Variants in ZNF644 observed in about 807,000 individuals in gnomAD.
ZNF644 encodes the protein zinc finger motif enhancer binding protein 2.
ZNF644 carries 20 observed loss-of-function variants against 108.0 expected under a neutral mutation model. That is an observed-to-expected ratio of 0.19 (90% CI 0.13 to 0.27). ZNF644 has a LOEUF of 0.27. ZNF644 is among the 10% of genes least tolerant of loss of function. The pLI, the probability that ZNF644 is intolerant of heterozygous loss-of-function variation, is 1.00. For synonymous variants in ZNF644, 542 were observed against 539.1 expected (o/e 1.01, Z -0.08); for missense variants, 1,338 against 1,548.9 (o/e 0.86, Z 2.29).
intron 1 of ZNF644, among the ~76,000 whole-genome samples, chr1:90,982,637 T>A (rs1255384970): frequency 6.6e-6 from 1 of 151,982 alleles, no homozygotes; most frequent in East Asian, 1.9e-4. Context: ...TTAAAAAAAA[T>A]TCTAAATTGT....
At chr1:91,003,681 T>A (rs1321694101) in intron 1 of ZNF644, among the ~76,000 whole-genome samples, 2 of 150,660 alleles carry the variant, frequency 1.3e-5, no homozygotes, top group African/African-American at 4.9e-5. Context: ...TAAAGTATAA[T>A]AATATCAAAA....
chr1:91,005,475 C>G (rs1183683984), intron 1 of ZNF644, among the ~76,000 whole-genome samples: 1 of 152,108 alleles, frequency 6.6e-6, no homozygotes, highest in Non-Finnish European at 1.5e-5. Context: ...ACAGAATACT[C>G]CACCTAACAA....
chr1:90,971,591 T>C (rs1655484282), intron 2 of ZNF644, among the ~76,000 whole-genome samples: 1 of 152,106 alleles, frequency 6.6e-6, no homozygotes, highest in South Asian at 2.1e-4. Context: ...AGCTAATTTT[T>C]GTATTTTTGG....
chr1:91,008,745 C>T (rs753778892), intron 1 of ZNF644, among the ~76,000 whole-genome samples: 24 of 152,154 alleles, frequency 1.6e-4, no homozygotes, highest in African/African-American at 2.4e-4. Flanking sequence ...ATATACCTCC[C>T]GGTTTTACCA....
chr1:90,939,516 C>T lies in ZNF644; in HGVS notation c.1838G>A (p.Cys613Tyr). 3.7e-6 allele frequency: 6 copies of T among 1,613,920 alleles called. No individual in the cohort carries two copies. The highest frequency in any genetic ancestry group is 5.1e-6 in the Non-Finnish European group (6 of 1,179,940). ...KHTEYLHSSS[C>Y]VDSFGSPLGL... The stretch of plus-strand genomic sequence containing the variant: ...AAGAGGACTACCAAATGAATCAACA[C>T]ATGATGATGAATGCAAGTACTCCGT... Residue 613 changes from cysteine to tyrosine, a missense_variant, in exon 3 of 6, where the codon TGT (cysteine) becomes TAT (tyrosine). Physicochemically the swap from Cys to Tyr is radical, Grantham distance 194 (BLOSUM62 -2). Transcript: ENST00000337393.
At position 90,938,519 on chromosome 1, in the gene ZNF644, T is replaced by C. The variant is rs141874125; in HGVS notation, c.2835A>G (p.Ser945=). The C allele has an allele frequency of 4.4e-5, 71 of 1,613,832 alleles. No individual in the cohort carries two copies. The highest frequency in any genetic ancestry group is 5.8e-5 in the Non-Finnish European group (69 of 1,179,902). ...GAAAAACAGAACTATGCTTTGACAA[T>C]GAAGCATCTGCAGTTTCTAAATGCT... ...DPQHLETADA[S]LSKHSSVFHW... is the part of the protein sequence containing the mutation. The change falls in exon 3 of 6, where the codon TCA becomes TCG. Residue 945 remains serine (S), a synonymous_variant. Transcript: ENST00000337393. This position sits in a 1 kb window ranked among gnomAD's most constrained non-coding sequence, Gnocchi z 4.2.
Position 90,937,966 on chromosome 1 carries a change from C to A in ZNF644, c.3207G>T (p.Trp1069Cys). 1.2e-6 allele frequency: 2 copies of A among 1,612,756 alleles called. No homozygotes were observed. Among genetic ancestry groups the A allele is most frequent in the South Asian group, 1.1e-5 (1 of 91,064 alleles). The change falls in exon 4 of 6, where the codon TGG becomes TGT. Residue 1069 changes from tryptophan (W) to cysteine (C), a missense_variant. By Grantham distance (215) the Trp-to-Cys change is radical. Around this residue, in one of 6 missense-constraint regions of ZNF644, gnomAD observed 287 missense variants for 310.9 expected, o/e 0.92. Coordinates refer to ENST00000337393, the MANE Select transcript of ZNF644 (RefSeq NM_201269.3). ...GHLKRLGKTKWDAHKSPICVL... is the reference protein window; with the variant it reads ...GHLKRLGKTKCDAHKSPICVL... ...CACAGATTGGAGATTTGTGAGCATCCCATTTCGTCTTTCCAAGTCTTTTCA... is the reference window on the plus strand; with the variant it reads ...CACAGATTGGAGATTTGTGAGCATCACATTTCGTCTTTCCAAGTCTTTTCA...
At chr1:91,002,889 T>C (rs547016773) in intron 1 of ZNF644, among the ~76,000 whole-genome samples, 1 of 152,220 alleles carries the variant, frequency 6.6e-6, no homozygotes, top group South Asian at 2.1e-4. Context: ...CAGACACTTC[T>C]CAAAAGAAGA....
chr1:90,947,588 A>C (rs1652658485), intron 2 of ZNF644, among the ~76,000 whole-genome samples: 2 of 152,180 alleles, frequency 1.3e-5, no homozygotes, highest in Admixed American at 1.3e-4. Flanking sequence ...TCTTTAACCT[A>C]TGATGGGTCT....
At chr1:91,017,394 G>T (rs949273231) in intron 1 of ZNF644, among the ~76,000 whole-genome samples, 2 of 152,140 alleles carry the variant, frequency 1.3e-5, no homozygotes, top group Admixed American at 6.5e-5. Context: ...TAGGAGAGGG[G>T]AAAGAAAATC....
At chr1:90,929,413 T>C (rs1251535603) in intron 4 of ZNF644, among the ~76,000 whole-genome samples, 2 of 152,218 alleles carry the variant, frequency 1.3e-5, no homozygotes, top group Non-Finnish European at 2.9e-5. Context: ...TCTGGAAGAA[T>C]TGTCAAGGAG....
At chr1:90,951,167 C>G (rs536865760) in intron 2 of ZNF644, among the ~76,000 whole-genome samples, 11 of 152,212 alleles carry the variant, frequency 7.2e-5, no homozygotes, top group African/African-American at 2.7e-4. Flanking sequence ...CATCAGCTGA[C>G]TAATCTGGTA....
chr1:90,943,765 G>A (rs1024729710), intron 2 of ZNF644, among the ~76,000 whole-genome samples: 2 of 152,112 alleles, frequency 1.3e-5, no homozygotes, highest in East Asian at 1.9e-4. Context: ...ATACACAGAA[G>A]TTAAAAATGG....
At chr1:91,000,179 C>G (rs1422254727) in intron 1 of ZNF644, among the ~76,000 whole-genome samples, 2 of 152,218 alleles carry the variant, frequency 1.3e-5, no homozygotes, top group Non-Finnish European at 2.9e-5. Flanking sequence ...AGCTCTGCAT[C>G]AAGCGGACCT....
At chr1:90,967,617 G>C (rs751998209) in intron 2 of ZNF644, among the ~76,000 whole-genome samples, 1 of 152,070 alleles carries the variant, frequency 6.6e-6, no homozygotes, top group African/African-American at 2.4e-5. Flanking sequence ...GACTATAAAT[G>C]AATAAAGCCC....
At chr1:90,954,373 G>A (rs983810488) in intron 2 of ZNF644, among the ~76,000 whole-genome samples, 2 of 151,588 alleles carry the variant, frequency 1.3e-5, no homozygotes, top group African/African-American at 4.9e-5. Context: ...AGGTTTTATC[G>A]TGAGATTGCA....
intron 1 of ZNF644, among the ~76,000 whole-genome samples, chr1:90,983,327 T>C (rs535374888): frequency 2.0e-5 from 3 of 152,088 alleles, no homozygotes; most frequent in South Asian, 4.2e-4. Context: ...AACCCAGAAG[T>C]GGACATGGGG....
At chr1:90,954,237 C>T (rs941458149) in intron 2 of ZNF644, among the ~76,000 whole-genome samples, 11 of 152,210 alleles carry the variant, frequency 7.2e-5, no homozygotes, top group African/African-American at 2.7e-4. Flanking sequence ...CCTGCTACTG[C>T]TTTACTGACG....
Position 90,954,565 on chromosome 1 carries a change from C to T in ZNF644, c.45-13256G>A, listed in dbSNP as rs546144964. ...GGGATTACAGGCTTGCACAACCACG[C>T]CCGGCTAATTTTTGTATTTTTAGTA... On this transcript the variant is annotated intron_variant, in intron 2 of 5. Coordinates refer to ENST00000337393, the MANE Select transcript of ZNF644 (RefSeq NM_201269.3). Among the ~76,000 whole-genome samples, 5 of 152,216 alleles carry T rather than the reference C, an allele frequency of 3.3e-5. No individual in the cohort carries two copies. The South Asian group carries it at 8.3e-4, about 25-fold the overall frequency.
Sources: allele counts gnomAD v4.1 joint callset (sites outside exome capture counted in the v4.1 genomes callset), GRCh38; gene constraint gnomAD v4.1.1; regional missense constraint gnomAD v4.1.1; non-coding constraint Gnocchi (gnomAD v3.1); transcripts MANE v1.5; gene names NCBI Gene and HGNC (gene_info 2026-07-23, HGNC 2026-07-21).